GMDS: variants seen among roughly 807,000 people sequenced by gnomAD.
GMDS encodes the protein GDP-mannose 4,6-dehydratase.
Under a neutral mutation model 49.9 loss-of-function variants are expected in GMDS, and 20 were observed. The ratio of observed to expected loss-of-function variants is 0.40; its 90% CI spans 0.28 to 0.58. The LOEUF is 0.58. Ranked by LOEUF, GMDS falls within the 20% of genes least tolerant of loss-of-function variation. The pLI, the probability that GMDS is intolerant of heterozygous loss-of-function variation, is 0.42. For synonymous variants in GMDS, 177 were observed against 178.6 expected (o/e 0.99, Z 0.07); for missense variants, 362 against 481.4 (o/e 0.75, Z 2.32).
At chr6:1,989,631 A>G (rs1765799336) in intron 4 of GMDS, among the ~76,000 whole-genome samples, 1 of 152,228 alleles carries the variant, frequency 6.6e-6, no homozygotes, top group South Asian at 2.1e-4. Context: ...TGGGCACTAG[A>G]TGACTAACTC....
At chr6:1,693,998 T>C (rs933570905) in intron 9 of GMDS, among the ~76,000 whole-genome samples, 9 of 152,182 alleles carry the variant, frequency 5.9e-5, no homozygotes, top group African/African-American at 2.2e-4. Context: ...CAGGGCTGAG[T>C]TGAAAACAAG....
chr6:2,098,893 T>C (rs1773764036), intron 4 of GMDS, among the ~76,000 whole-genome samples: 1 of 152,168 alleles, frequency 6.6e-6, no homozygotes, highest in South Asian at 2.1e-4. Context: ...ATTATATAAG[T>C]ATTTTTCTTT....
intron 9 of GMDS, among the ~76,000 whole-genome samples, chr6:1,702,032 G>A (rs1393864853): frequency 3.3e-5 from 5 of 152,192 alleles, no homozygotes; most frequent in Admixed American, 1.3e-4. Context: ...CTCAAATGAC[G>A]CACGCCTCTC....
At chr6:2,043,451 C>G (rs1460552137) in intron 4 of GMDS, 1 of 152,424 alleles carries the variant, frequency 6.6e-6, no homozygotes, top group Non-Finnish European at 1.5e-5. Flanking sequence ...GCGGGCAGAG[C>G]CAGCAGCACA....
At chr6:1,809,505 T>G (rs576981680) in intron 7 of GMDS, among the ~76,000 whole-genome samples, 2 of 152,208 alleles carry the variant, frequency 1.3e-5, no homozygotes, top group African/African-American at 2.4e-5. Context: ...AATAATCTTG[T>G]GACTCATTGG....
rs959481093 is a variant in GMDS at position 1,957,344 on chromosome 6, G to T, written c.643+2523C>A. Among the ~76,000 whole-genome samples, 7 of 152,216 alleles carry T rather than the reference G, an allele frequency of 4.6e-5. No individual in the cohort carries two copies. The East Asian group carries it at 9.7e-4, about 21-fold the overall frequency. ...AATACAACACAGTCCTGCCATTATG[G>T]AATTTTCAGTCTGGGAAAGAAATCT... On this transcript the variant is annotated intron_variant, in intron 6 of 10. Transcript: ENST00000380815.
chr6:1,922,190 T>C (rs950329423), intron 7 of GMDS, among the ~76,000 whole-genome samples: 17 of 152,216 alleles, frequency 1.1e-4, no homozygotes, highest in Non-Finnish European at 2.9e-5. Context: ...CCTTCCCCTC[T>C]GCTAGGAAGA....
chr6:1,982,624 C>A lies in GMDS; in HGVS notation c.346-21658G>T, dbSNP rs182110476. On this transcript the variant is annotated intron_variant, in intron 4 of 10. Transcript: ENST00000380815. ...AAAATCATGAATGAACTCCCATTCACAATTGCCACAAAAAAAATAAAATAC... is the reference window on the plus strand; with the variant it reads ...AAAATCATGAATGAACTCCCATTCAAAATTGCCACAAAAAAAATAAAATAC... Among the ~76,000 whole-genome samples, 14 of 152,178 alleles carry A rather than the reference C, an allele frequency of 9.2e-5. No homozygotes were observed. The East Asian group carries it at 2.7e-3, about 29-fold the overall frequency.
At chr6:1,777,551 CA>C (rs1409664394) in intron 7 of GMDS, among the ~76,000 whole-genome samples, 1 of 152,168 alleles carries the variant, frequency 6.6e-6, no homozygotes, top group East Asian at 1.9e-4. Flanking sequence ...TGTGTTACAC[CA>C]TCACTCTGAA....
intron 7 of GMDS, among the ~76,000 whole-genome samples, chr6:1,838,171 G>A (rs1757008088): frequency 6.6e-6 from 1 of 152,174 alleles, no homozygotes; most frequent in Non-Finnish European, 1.5e-5. Flanking sequence ...TCCCAACTCA[G>A]CTCCTACAAC....
chr6:1,862,249 T>G (rs1041528564), intron 7 of GMDS, among the ~76,000 whole-genome samples: 1 of 152,224 alleles, frequency 6.6e-6, no homozygotes, highest in Non-Finnish European at 1.5e-5. Context: ...TTTGTGGCAG[T>G]GGGTGATCCA....
At chr6:1,670,767 C>A (rs1764395655) in intron 9 of GMDS, among the ~76,000 whole-genome samples, 1 of 152,220 alleles carries the variant, frequency 6.6e-6, no homozygotes, top group Non-Finnish European at 1.5e-5. Context: ...AGTTTTCATT[C>A]TGCATTCCAT....
At chr6:2,202,957 T>C (rs1343767272) in intron 1 of GMDS, among the ~76,000 whole-genome samples, 2 of 152,172 alleles carry the variant, frequency 1.3e-5, no homozygotes, top group Admixed American at 1.3e-4. Flanking sequence ...CGCCTGGGTC[T>C]GGGCTGTGCA....
chr6:1,659,280 G>A (rs914058963), intron 9 of GMDS, among the ~76,000 whole-genome samples: 2 of 151,502 alleles, frequency 1.3e-5, no homozygotes, highest in Non-Finnish European at 2.9e-5. Flanking sequence ...TCAACTGCAC[G>A]ATTCAGTGGC....
intron 4 of GMDS, among the ~76,000 whole-genome samples, chr6:1,968,377 G>C (rs770992006): frequency 1.3e-5 from 2 of 152,128 alleles, no homozygotes; most frequent in Non-Finnish European, 2.9e-5. Context: ...GAATCCTTGA[G>C]GTCAGAAATG....
intron 7 of GMDS, among the ~76,000 whole-genome samples, chr6:1,870,881 G>A (rs1264485614): frequency 6.6e-6 from 1 of 151,998 alleles, no homozygotes; most frequent in Non-Finnish European, 1.5e-5. Context: ...AACACAAACA[G>A]GGCCCAGGGA....
At chr6:1,862,145 A>T (rs1222794370) in intron 7 of GMDS, among the ~76,000 whole-genome samples, 2 of 152,254 alleles carry the variant, frequency 1.3e-5, no homozygotes, top group Non-Finnish European at 2.9e-5. Flanking sequence ...ATGAGGAAAG[A>T]GCAGATACTT....
chr6:2,049,543 T>G (rs1450701749), intron 4 of GMDS, among the ~76,000 whole-genome samples: 1 of 152,102 alleles, frequency 6.6e-6, no homozygotes, highest in East Asian at 1.9e-4. Flanking sequence ...ATGTTATACC[T>G]CAAAGCAAAA....
At chr6:2,090,755 A>G (rs1488313859) in intron 4 of GMDS, among the ~76,000 whole-genome samples, 1 of 152,232 alleles carries the variant, frequency 6.6e-6, no homozygotes, top group African/African-American at 2.4e-5. Context: ...CTCTTCTGCA[A>G]CTGAAGTGGA....
Sources: gnomAD v4.1 joint callset for allele counts (sites outside exome capture counted in the v4.1 genomes callset) on GRCh38, gnomAD v4.1.1 for gene constraint, MANE v1.5 for transcripts, NCBI Gene and HGNC (gene_info 2026-07-23, HGNC 2026-07-21) for gene names.